ZNF804B: variants seen among roughly 807,000 people sequenced by gnomAD.
ZNF804B encodes the protein zinc finger 804B.
A neutral mutation model predicts 101.4 loss-of-function variants in ZNF804B; 80 were observed. That is an observed-to-expected ratio of 0.79 (90% CI 0.66 to 0.95). ZNF804B has a LOEUF of 0.95. ZNF804B is among the 40% of genes least tolerant of loss of function. The pLI, the probability that ZNF804B is intolerant of heterozygous loss-of-function variation, is 0.00. For missense variants in ZNF804B, 1,673 were observed against 1,561.9 expected, an observed-to-expected ratio of 1.07 and a Z score of -1.20; for synonymous variants, 622 against 558.8, an observed-to-expected ratio of 1.11 and a Z score of -1.59.
intron 1 of ZNF804B, among the ~76,000 whole-genome samples, chr7:89,074,271 C>G (rs1402798524): frequency 6.6e-6 from 1 of 152,030 alleles, no homozygotes; most frequent in Non-Finnish European, 1.5e-5. Flanking sequence ...ATACATATTC[C>G]AGGCAAATGA....
At chr7:89,323,420 A>G (rs1371304977) in intron 2 of ZNF804B, among the ~76,000 whole-genome samples, 2 of 152,206 alleles carry the variant, frequency 1.3e-5, no homozygotes, top group African/African-American at 2.4e-5. Flanking sequence ...CAAAATGTTA[A>G]TATAAAAACC....
At chr7:89,179,873 C>A (rs1478817579) in intron 1 of ZNF804B, among the ~76,000 whole-genome samples, 1 of 152,196 alleles carries the variant, frequency 6.6e-6, no homozygotes, top group African/African-American at 2.4e-5. Context: ...GTGCCCCAAG[C>A]CCAGTAACAC....
chr7:88,987,425 A>T (rs543040371), intron 1 of ZNF804B, among the ~76,000 whole-genome samples: 1 of 152,118 alleles, frequency 6.6e-6, no homozygotes, highest in Admixed American at 6.6e-5. Context: ...GTAAAGAATC[A>T]TTAGTCTTTC....
intron 1 of ZNF804B, among the ~76,000 whole-genome samples, chr7:89,128,124 G>T (rs995933183): frequency 6.6e-6 from 1 of 151,452 alleles, no homozygotes; most frequent in Non-Finnish European, 1.5e-5. Context: ...AATTCCTTTT[G>T]GGCGTTTGAA....
At chr7:89,008,781 C>G (rs1446293882) in intron 1 of ZNF804B, among the ~76,000 whole-genome samples, 2 of 152,218 alleles carry the variant, frequency 1.3e-5, no homozygotes, top group South Asian at 2.1e-4. Context: ...AAAGGAAAAG[C>G]TTTCCTTTCA....
intron 1 of ZNF804B, among the ~76,000 whole-genome samples, chr7:89,115,796 C>T (rs1316946396): frequency 6.6e-6 from 1 of 152,038 alleles, no homozygotes; most frequent in Non-Finnish European, 1.5e-5. Flanking sequence ...CTATTGCAAA[C>T]ATATTCAATT....
intron 1 of ZNF804B, among the ~76,000 whole-genome samples, chr7:88,907,209 G>A (rs1452711154): frequency 6.6e-6 from 1 of 151,944 alleles, no homozygotes; most frequent in Non-Finnish European, 1.5e-5. Flanking sequence ...TAATTGTTTA[G>A]AGAAGCCTGT....
At chr7:88,974,345 T>G (rs1427421196) in intron 1 of ZNF804B, among the ~76,000 whole-genome samples, 1 of 151,324 alleles carries the variant, frequency 6.6e-6, no homozygotes, top group Non-Finnish European at 1.5e-5. Flanking sequence ...TATATTGTAT[T>G]ATTGAAAGAT....
At chr7:89,270,234 A>G (rs546610926) in intron 2 of ZNF804B, among the ~76,000 whole-genome samples, 1 of 152,254 alleles carries the variant, frequency 6.6e-6, no homozygotes, top group South Asian at 2.1e-4. Context: ...TCTTGAATTA[A>G]TTTTTGTATA....
At chr7:88,859,261 TTATC>T (rs1367190621) in intron 1 of ZNF804B, among the ~76,000 whole-genome samples, 1 of 151,934 alleles carries the variant, frequency 6.6e-6, no homozygotes, top group Non-Finnish European at 1.5e-5. Context: ...TTGTCTATAT[TTATC>T]TAAAAACTTA....
At chr7:88,856,898 C>T (rs2115845733) in intron 1 of ZNF804B, among the ~76,000 whole-genome samples, 1 of 152,126 alleles carries the variant, frequency 6.6e-6, no homozygotes, top group South Asian at 2.1e-4. Context: ...TGTTTATATG[C>T]TGGATTACGT....
intron 2 of ZNF804B, among the ~76,000 whole-genome samples, chr7:89,239,558 T>G (rs1026756032): frequency 3.9e-5 from 6 of 152,144 alleles, no homozygotes; most frequent in Non-Finnish European, 7.4e-5. Context: ...TCTGAACATG[T>G]AAGGAACTTA....
At chr7:88,965,617 T>C (rs1793442731) in intron 1 of ZNF804B, among the ~76,000 whole-genome samples, 1 of 151,436 alleles carries the variant, frequency 6.6e-6, no homozygotes, top group African/African-American at 2.4e-5. Flanking sequence ...TCTGTATGAA[T>C]TGTGGAGCAT....
At chr7:89,027,361 G>A (rs1399675902) in intron 1 of ZNF804B, among the ~76,000 whole-genome samples, 1 of 152,082 alleles carries the variant, frequency 6.6e-6, no homozygotes, top group East Asian at 1.9e-4. Flanking sequence ...CACAATGGTA[G>A]ATGGACTAAC....
At chr7:88,772,082 G>A (rs1790077006) in intron 1 of ZNF804B, among the ~76,000 whole-genome samples, 2 of 152,104 alleles carry the variant, frequency 1.3e-5, no homozygotes, top group Admixed American at 1.3e-4. Context: ...AAACAATGCT[G>A]ATTTAAATGA....
At chr7:88,939,389 TTTGG>T (rs1793024139) in intron 1 of ZNF804B, among the ~76,000 whole-genome samples, 1 of 151,962 alleles carries the variant, frequency 6.6e-6, no homozygotes, top group Non-Finnish European at 1.5e-5. Flanking sequence ...TTAATCTGTG[TTTGG>T]TTGAATCCAC....
At chr7:88,982,730 A>T (rs1793709330) in intron 1 of ZNF804B, among the ~76,000 whole-genome samples, 1 of 152,082 alleles carries the variant, frequency 6.6e-6, no homozygotes, top group Admixed American at 6.6e-5. Flanking sequence ...ACTTCAATTT[A>T]TGAATTTAGG....
chr7:89,134,758 T>A (rs1790604452), intron 1 of ZNF804B, among the ~76,000 whole-genome samples: 1 of 152,102 alleles, frequency 6.6e-6, no homozygotes, highest in Non-Finnish European at 1.5e-5. Context: ...TAACTCATCT[T>A]TATTACCAGA....
intron 1 of ZNF804B, among the ~76,000 whole-genome samples, chr7:88,862,057 T>C (rs772792801): frequency 8.5e-5 from 13 of 152,234 alleles, no homozygotes; most frequent in Non-Finnish European, 1.6e-4. Flanking sequence ...AACTACCATC[T>C]GGCATGGCTA....
Sources: allele counts gnomAD v4.1 joint callset (sites outside exome capture counted in the v4.1 genomes callset), GRCh38; gene constraint gnomAD v4.1.1; transcripts MANE v1.5; gene names NCBI Gene and HGNC (gene_info 2026-07-23, HGNC 2026-07-21).